ANKRD6: variants seen among roughly 807,000 people sequenced by gnomAD.
ANKRD6 encodes the protein ankyrin repeat domain 6.
In ANKRD6, 56 loss-of-function variants were observed where a neutral mutation model predicts 82.3. The observed-to-expected ratio is 0.68, with a 90% CI of 0.55 to 0.85. The LOEUF is 0.85. ANKRD6 is among the 40% of genes least tolerant of loss of function. The pLI is 0.00. For missense variants in ANKRD6, 852 were observed against 907.6 expected (o/e 0.94, Z 0.79); for synonymous variants, 347 against 352.1 (o/e 0.99, Z 0.16).
At chr6:89,623,321 A>G (rs1434754668) in intron 10 of ANKRD6, 89 bp from the exon 11 acceptor site, 9 of 1,485,378 alleles carry the variant, frequency 6.1e-6, no homozygotes, top group Non-Finnish European at 8.1e-6. Context: ...CCCTTACCAT[A>G]TGGAATCTTG....
chr6:89,626,815 A>T (rs1805837098), intron 13 of ANKRD6, among the ~76,000 whole-genome samples: 1 of 152,176 alleles, frequency 6.6e-6, no homozygotes, highest in Admixed American at 6.5e-5. Flanking sequence ...AAAAGTGACA[A>T]CTGCTTGTTC....
intron 1 of ANKRD6, among the ~76,000 whole-genome samples, chr6:89,506,954 C>T (rs747765043): frequency 2.0e-5 from 3 of 152,230 alleles, no homozygotes; most frequent in African/African-American, 7.2e-5. Context: ...CATGTGTTGG[C>T]ATTGGCCAGT....
chr6:89,614,722 G>A (rs970345834), intron 7 of ANKRD6, among the ~76,000 whole-genome samples: 5 of 151,964 alleles, frequency 3.3e-5, no homozygotes, highest in African/African-American at 4.8e-5. Context: ...AGCTACTCAG[G>A]AGGCTGAGGC....
intron 1 of ANKRD6, among the ~76,000 whole-genome samples, chr6:89,481,481 C>A (rs1241513740): frequency 6.6e-6 from 1 of 152,180 alleles, no homozygotes; most frequent in Non-Finnish European, 1.5e-5. Flanking sequence ...GGAAACACTT[C>A]TGATTCTAAG....
At chr6:89,484,372 G>A (rs1464349266) in intron 1 of ANKRD6, among the ~76,000 whole-genome samples, 19 of 151,930 alleles carry the variant, frequency 1.3e-4, no homozygotes, top group Admixed American at 1.2e-3. Flanking sequence ...TTACTAACTG[G>A]CCAGCGATTA....
chr6:89,623,823 C>G, intron 11 of ANKRD6, 49 bp from the exon 12 acceptor site: 3 of 1,563,244 alleles, frequency 1.9e-6, no homozygotes, highest in Non-Finnish European at 2.6e-6. Flanking sequence ...TGGTGTCAGT[C>G]TTGCAGAGGT....
chr6:89,437,146 A>T (rs368070579), intron 1 of ANKRD6, among the ~76,000 whole-genome samples: 1 of 152,182 alleles, frequency 6.6e-6, no homozygotes, highest in Admixed American at 6.5e-5. Context: ...TGGTTTCCTA[A>T]GTCAAAAAAG....
chr6:89,578,373 G>A (rs1791671158), intron 2 of ANKRD6, among the ~76,000 whole-genome samples: 1 of 126,780 alleles, frequency 7.9e-6, no homozygotes, highest in Admixed American at 1.0e-4. Context: ...TCGGCTCACT[G>A]TAACCTCCAC....
At chr6:89,495,819 TTTTG>T (rs747203794) in intron 1 of ANKRD6, among the ~76,000 whole-genome samples, 50 of 152,182 alleles carry the variant, frequency 3.3e-4, no homozygotes, top group Non-Finnish European at 5.4e-4. Flanking sequence ...CTAGGACACT[TTTTG>T]TTTATTTCAT....
At chr6:89,490,622 C>T (rs1777906241) in intron 1 of ANKRD6, among the ~76,000 whole-genome samples, 1 of 152,210 alleles carries the variant, frequency 6.6e-6, no homozygotes, top group South Asian at 2.1e-4. Flanking sequence ...TGCCTGGTTA[C>T]ATCCTCCTTA....
intron 1 of ANKRD6, among the ~76,000 whole-genome samples, chr6:89,548,454 C>A (rs897201152): frequency 2.0e-5 from 3 of 152,112 alleles, no homozygotes; most frequent in Admixed American, 2.0e-4. Context: ...TGAGTTGTTT[C>A]TACTTTTTGG....
chr6:89,517,897 G>T (rs1251473803), intron 1 of ANKRD6, among the ~76,000 whole-genome samples: 1 of 152,206 alleles, frequency 6.6e-6, no homozygotes, highest in Admixed American at 6.5e-5. Flanking sequence ...TGTGGCAGTT[G>T]CTTGACTTTT....
intron 1 of ANKRD6, among the ~76,000 whole-genome samples, chr6:89,487,577 A>C (rs1777514892): frequency 6.6e-6 from 1 of 152,190 alleles, no homozygotes; most frequent in Non-Finnish European, 1.5e-5. Context: ...CATTCCAATA[A>C]TTTGGAATAT....
At position 89,491,654 on chromosome 6, in the gene ANKRD6, G is replaced by A. The variant is rs1778021985; in HGVS notation, c.-144+58279G>A. Among the ~76,000 whole-genome samples the A allele has an allele frequency of 2.0e-5, 3 of 151,896 alleles. No homozygotes were observed. In the South Asian group the frequency reaches 6.3e-4, roughly 32 times the overall value. The stretch of plus-strand genomic sequence containing the variant: ...GGCCTGTCATGGGGTGGGGGGAGGC[G>A]GGAGGGAAAGCATTAAGAGATATAC... On this transcript the variant is annotated intron_variant, in intron 1 of 15. Transcript: ENST00000339746.
intron 1 of ANKRD6, among the ~76,000 whole-genome samples, chr6:89,441,543 A>G (rs890822440): frequency 3.9e-5 from 6 of 151,976 alleles, no homozygotes; most frequent in African/African-American, 1.5e-4. Context: ...AAAAAAAGCC[A>G]AACTCCTGTA....
chr6:89,448,961 C>T (rs1268057916), intron 1 of ANKRD6, among the ~76,000 whole-genome samples: 2 of 137,220 alleles, frequency 1.5e-5, no homozygotes, highest in African/African-American at 2.8e-5. Context: ...ACCTGGGAGG[C>T]GGAGCTTGCA....
intron 9 of ANKRD6, among the ~76,000 whole-genome samples, chr6:89,620,935 G>A (rs543051033): frequency 7.2e-5 from 11 of 152,074 alleles, no homozygotes; most frequent in Non-Finnish European, 1.2e-4. Context: ...CAGGCATGGT[G>A]GCGGGCGCCT....
chr6:89,472,559 C>T (rs539449090), intron 1 of ANKRD6, among the ~76,000 whole-genome samples: 5 of 152,314 alleles, frequency 3.3e-5, no homozygotes, highest in Admixed American at 6.5e-5. Flanking sequence ...CTTTGCCACC[C>T]ACTGAAACCA....
rs573025833 is a variant in ANKRD6 at position 89,609,274 on chromosome 6, T to C, written c.418-2998T>C. On this transcript the variant is annotated intron_variant, in intron 5 of 15. Transcript: ENST00000339746. ...CCATTTCTTCAAAATGCATATGGTC[T>C]GGAACAGGAGTTGATGGTGTGTAAT... Among the ~76,000 whole-genome samples, 59 of 152,266 alleles carry C rather than the reference T, an allele frequency of 3.9e-4. No homozygotes were observed. In the South Asian group the frequency reaches 0.012, roughly 31 times the overall value.
Sources: allele counts gnomAD v4.1 joint callset (sites outside exome capture counted in the v4.1 genomes callset), GRCh38; gene constraint gnomAD v4.1.1; transcripts MANE v1.5; gene names NCBI Gene and HGNC (gene_info 2026-07-23, HGNC 2026-07-21).